The following CCSER1 variants were observed in gnomAD, a reference collection of about 807,000 sequenced individuals.
The protein encoded by CCSER1 is serine-rich coiled-coil domain-containing protein 1.
Under a neutral mutation model 82.0 loss-of-function variants are expected in CCSER1, and 41 were observed. The ratio of observed to expected loss-of-function variants is 0.50; its 90% CI spans 0.39 to 0.65. The LOEUF (loss-of-function observed/expected upper bound fraction) is 0.65, where lower values mean the gene tolerates loss of function less well. Among genes scored for constraint, CCSER1 ranks in the 30% least tolerant of loss-of-function variants. The pLI is 0.00. For missense variants in CCSER1, 1,119 were observed against 1,064.2 expected (o/e 1.05, Z -0.72); for synonymous variants, 414 against 383.9 (o/e 1.08, Z -0.92).
intron 9 of CCSER1, among the ~76,000 whole-genome samples, chr4:90,969,795 G>A (rs1273975334): frequency 6.6e-6 from 1 of 151,802 alleles, no homozygotes. Flanking sequence ...ATGCAGCAGT[G>A]GTAGTGTGTA....
intron 9 of CCSER1, among the ~76,000 whole-genome samples, chr4:91,019,318 TATATCC>T (rs916130164): frequency 2.6e-5 from 4 of 152,094 alleles, no homozygotes; most frequent in Non-Finnish European, 4.4e-5. Context: ...TTTCAAATCT[TATATCC>T]ATGGGTTCTA....
chr4:90,236,303 A>C (rs556050366), intron 1 of CCSER1, among the ~76,000 whole-genome samples: 8 of 152,266 alleles, frequency 5.3e-5, no homozygotes, highest in Middle Eastern at 3.4e-3. Flanking sequence ...TGAAAGCAAA[A>C]GCCTGTTTGA....
intron 1 of CCSER1, among the ~76,000 whole-genome samples, chr4:90,249,127 G>C (rs1721938336): frequency 6.6e-6 from 1 of 152,048 alleles, no homozygotes; most frequent in Admixed American, 6.6e-5. Context: ...TCCTCAAATA[G>C]TACTGTATTC....
At chr4:90,561,404 T>C (rs1014568417) in intron 5 of CCSER1, among the ~76,000 whole-genome samples, 1 of 152,268 alleles carries the variant, frequency 6.6e-6, no homozygotes, top group Non-Finnish European at 1.5e-5. Context: ...TTAACTTTAA[T>C]GTTTATATCT....
chr4:90,629,812 AT>A (rs1273146270), intron 6 of CCSER1, among the ~76,000 whole-genome samples: 3 of 152,248 alleles, frequency 2.0e-5, no homozygotes, highest in Non-Finnish European at 4.4e-5. Context: ...CAGCAAAGGC[AT>A]CAAAATAAAT....
chr4:91,597,400 A>T lies in CCSER1; in HGVS notation c.2218-1172A>T, dbSNP rs112934802. On this transcript the variant is annotated intron_variant, in intron 10 of 10. Coordinates refer to ENST00000509176, the MANE Select transcript of CCSER1 (RefSeq NM_001145065.2). ...AATTGTGTCAGGAAGAAAGAGTAGA[A>T]ATGAAGAGAAATGGATGACTTGAGA... Among the ~76,000 whole-genome samples the T allele has an allele frequency of 8.9e-3, 1,352 of 152,196 alleles. 8 individuals are homozygous for T. The highest frequency in any genetic ancestry group is 0.02 in the Middle Eastern group (6 of 294).
intron 8 of CCSER1, among the ~76,000 whole-genome samples, chr4:90,902,711 T>G (rs1046949866): frequency 1.3e-5 from 2 of 152,080 alleles, no homozygotes; most frequent in Non-Finnish European, 2.9e-5. Context: ...CAGTGAGCCC[T>G]TCTGGCAGCA....
At chr4:91,011,985 C>T (rs573893194) in intron 9 of CCSER1, among the ~76,000 whole-genome samples, 2 of 134,616 alleles carry the variant, frequency 1.5e-5, no homozygotes, top group African/African-American at 5.0e-5. Context: ...AAGCTAAGTA[C>T]TAGAATTGTT....
At chr4:90,382,202 A>C (rs1749310474) in intron 3 of CCSER1, among the ~76,000 whole-genome samples, 2 of 152,108 alleles carry the variant, frequency 1.3e-5, no homozygotes, top group African/African-American at 2.4e-5. Flanking sequence ...AACCACTTCT[A>C]TTTTAGCTTG....
rs532557516 is a variant in CCSER1 at position 91,133,833 on chromosome 4, G to T, written c.2217+47839G>T. On this transcript the variant is annotated intron_variant, in intron 10 of 10. Coordinates refer to ENST00000509176, the MANE Select transcript of CCSER1 (RefSeq NM_001145065.2). ...AAAGTAGTGCTTGCCGGGCATGCTG[G>T]CTCACTCCTGTAATCTCAGCCCTTT... Among the ~76,000 whole-genome samples, 6 of 152,286 alleles carry T rather than the reference G, an allele frequency of 3.9e-5. No individual in the cohort carries two copies. In the South Asian group the frequency reaches 1.2e-3, roughly 32 times the overall value.
intron 5 of CCSER1, among the ~76,000 whole-genome samples, chr4:90,532,747 T>C (rs1774711116): frequency 6.6e-6 from 1 of 152,176 alleles, no homozygotes; most frequent in African/African-American, 2.4e-5. Context: ...TTAAAGGAAA[T>C]TAGTTTTACA....
intron 3 of CCSER1, among the ~76,000 whole-genome samples, chr4:90,349,121 C>A (rs371695960): frequency 6.6e-6 from 1 of 151,956 alleles, no homozygotes; most frequent in African/African-American, 2.4e-5. Context: ...GACAAAAAGT[C>A]AGTCTATATT....
chr4:90,780,771 A>C, intron 7 of CCSER1: 1 of 1,180,576 alleles, frequency 8.5e-7, no homozygotes, highest in Non-Finnish European at 1.0e-6. Context: ...AGGTAAACTA[A>C]ATTGACTAAA....
intron 1 of CCSER1, among the ~76,000 whole-genome samples, chr4:90,130,271 C>A (rs150640143): frequency 8.6e-4 from 131 of 152,282 alleles, no homozygotes; most frequent in African/African-American, 3.1e-3. Flanking sequence ...TGGGAGGAAT[C>A]TGATGCTCAT....
intron 3 of CCSER1, among the ~76,000 whole-genome samples, chr4:90,371,007 A>G (rs1163649203): frequency 6.6e-6 from 1 of 151,998 alleles, no homozygotes; most frequent in Admixed American, 6.6e-5. Flanking sequence ...TACATTTCTC[A>G]GCTGGGTACA....
At chr4:90,833,154 G>A (rs1424548708) in intron 8 of CCSER1, among the ~76,000 whole-genome samples, 2 of 152,148 alleles carry the variant, frequency 1.3e-5, no homozygotes, top group African/African-American at 4.8e-5. Flanking sequence ...GGAACTGGCA[G>A]GTTCAGTGTT....
intron 1 of CCSER1, among the ~76,000 whole-genome samples, chr4:90,301,357 G>T (rs1476276975): frequency 1.3e-5 from 2 of 152,052 alleles, no homozygotes; most frequent in Non-Finnish European, 2.9e-5. Flanking sequence ...TACTAAAGTT[G>T]GAGAGGTCAT....
intron 4 of CCSER1, among the ~76,000 whole-genome samples, chr4:90,457,781 C>G (rs1762376129): frequency 6.6e-6 from 1 of 152,174 alleles, no homozygotes; most frequent in South Asian, 2.1e-4. Flanking sequence ...GGCACCCAGG[C>G]TTCAGGCCAT....
intron 3 of CCSER1, among the ~76,000 whole-genome samples, chr4:90,373,653 C>A (rs1747828933): frequency 6.6e-6 from 1 of 152,114 alleles, no homozygotes; most frequent in Admixed American, 6.5e-5. Context: ...ACAACTGATG[C>A]ATAATTTTGG....
Sources: allele counts gnomAD v4.1 joint callset (sites outside exome capture counted in the v4.1 genomes callset), GRCh38; gene constraint gnomAD v4.1.1; transcripts MANE v1.5; gene names NCBI Gene and HGNC (gene_info 2026-07-23, HGNC 2026-07-21).